Variants in CARD8 observed in about 807,000 individuals in gnomAD.
CARD8 encodes the protein caspase recruitment domain family member 8.
CARD8 carries 38 observed loss-of-function variants against 53.2 expected under a neutral mutation model. The ratio of observed to expected loss-of-function variants is 0.71; its 90% CI spans 0.55 to 0.94. The LOEUF is 0.94. Among genes scored for constraint, CARD8 ranks in the 40% least tolerant of loss-of-function variants. The pLI, the probability that CARD8 is intolerant of heterozygous loss-of-function variation, is 0.00. For synonymous variants in CARD8, 245 were observed against 244.9 expected, an observed-to-expected ratio of 1.00 and a Z score of 0.00; for missense variants, 561 against 655.5, an observed-to-expected ratio of 0.86 and a Z score of 1.57.
At chr19:48,220,954 A>AAGGAAGGAAGGAGGGAAGGAAGG (rs10638078) in intron 11 of CARD8, among the ~76,000 whole-genome samples, 1 of 101,270 alleles carries the variant, frequency 9.9e-6, no homozygotes, top group Non-Finnish European at 2.0e-5. Context: ...AAAGGAAAGG[A>AAGGAAGGAAGGAGGGAAGGAAGG]AAGGAAGGAA....
chr19:48,238,845 G>A (rs962316531), intron 4 of CARD8, among the ~76,000 whole-genome samples: 2 of 152,132 alleles, frequency 1.3e-5, no homozygotes, highest in African/African-American at 4.8e-5. Flanking sequence ...CACCTTCTTC[G>A]ATGCCCATGC....
chr19:48,220,706 G>A (rs28544113), intron 11 of CARD8, among the ~76,000 whole-genome samples: 3,827 of 152,078 alleles, frequency 0.025, 149 homozygotes, highest in African/African-American at 0.087. Context: ...GAGGTCAGGA[G>A]TTCGAGACCA....
intron 13 of CARD8, chr19:48,212,864 A>G (rs1204775769): frequency 1.3e-5 from 2 of 152,238 alleles, no homozygotes; most frequent in Non-Finnish European, 2.9e-5. Flanking sequence ...GATGTGAGGC[A>G]TGATTTCTTT....
chr19:48,234,418 C>A lies in CARD8; in HGVS notation c.335G>T (p.Gly112Val). 4 of 1,612,522 alleles carry A rather than the reference C, an allele frequency of 2.5e-6. No homozygotes were observed. The highest frequency in any genetic ancestry group is 3.4e-6 in the Non-Finnish European group (4 of 1,179,446). ...FRAVPECQLSGGDIPSVSEEQ... is the reference protein window; with the variant it reads ...FRAVPECQLSVGDIPSVSEEQ... ...CTTTTCTTACCTGGGAATGTCCCCC[C>A]CAGATAGTTGACACTCAGGAACAGC... Residue 112 changes from glycine to valine, a missense_variant, in exon 6 of 14, where the codon GGG (glycine) becomes GTG (valine). By Grantham distance (109) the Gly-to-Val change is moderately radical. Coordinates refer to ENST00000651546, the MANE Select transcript of CARD8 (RefSeq NM_001184900.3).
intron 1 of CARD8, among the ~76,000 whole-genome samples, chr19:48,251,215 T>C (rs914761092): frequency 1.3e-5 from 2 of 152,230 alleles, no homozygotes; most frequent in Admixed American, 6.5e-5. Flanking sequence ...GCAGAAGGAA[T>C]TGATCATAAA....
intron 10 of CARD8, among the ~76,000 whole-genome samples, chr19:48,230,113 TAAAAAAAG>T (rs1346589163): frequency 6.6e-6 from 1 of 151,888 alleles, no homozygotes; most frequent in Non-Finnish European, 1.5e-5. Context: ...ACTCTGTCTC[TAAAAAAAG>T]AAAAAAACAA....
intron 10 of CARD8, among the ~76,000 whole-genome samples, chr19:48,224,849 G>A (rs905531099): frequency 1.3e-5 from 2 of 150,692 alleles, no homozygotes; most frequent in Non-Finnish European, 2.9e-5. Flanking sequence ...CCACCTCCCA[G>A]GTTCAGCCAT....
At chr19:48,220,998 GAAA>G (rs2040479803) in intron 11 of CARD8, among the ~76,000 whole-genome samples, 3 of 97,704 alleles carry the variant, frequency 3.1e-5, no homozygotes, top group Non-Finnish European at 4.1e-5. Context: ...AGGAAGGAAA[GAAA>G]GAAAGAAAAA....
chr19:48,231,194 T>C (rs909408985), intron 8 of CARD8, among the ~76,000 whole-genome samples, 188 bp from the exon 9 acceptor site: 7 of 152,226 alleles, frequency 4.6e-5, no homozygotes, highest in African/African-American at 1.7e-4. Context: ...ATTCTATATA[T>C]GTTGAAATTA....
intron 1 of CARD8, among the ~76,000 whole-genome samples, chr19:48,252,431 T>A (rs2047037303): frequency 6.6e-6 from 1 of 151,632 alleles, no homozygotes; most frequent in African/African-American, 2.4e-5. Flanking sequence ...TATATGCATA[T>A]TTAAATAAAA....
At chr19:48,231,081 G>C in intron 8 of CARD8, 75 bp from the exon 9 acceptor site, 1 of 1,265,252 alleles carries the variant, frequency 7.9e-7, no homozygotes, top group Non-Finnish European at 1.1e-6. Context: ...GCAGAGGGAG[G>C]TGGGATTTGA....
In CARD8 at chr19:48,231,665, T is replaced by A. The variant is rs1385704419; in HGVS notation, c.537A>T (p.Arg179Ser). ...TCAGCATCTTCCATTCTTACCTGTA[T>A]CTGTTTGTGCTCTTATCAATCAACT... ...DVELIDKSTN[R>S]YSVWFPTAGW... Residue 179 changes from arginine (R) to serine (S), a missense_variant, in exon 8 of 14, where the codon AGA (arginine) becomes AGT (serine). Transcript: ENST00000651546. 1 of 1,596,766 alleles carries A rather than the reference T, an allele frequency of 6.3e-7. No homozygotes were observed. The highest frequency in any genetic ancestry group is 1.7e-5 in the Admixed American group (1 of 57,540).
intron 10 of CARD8, among the ~76,000 whole-genome samples, chr19:48,228,861 G>A (rs748827322): frequency 9.9e-5 from 15 of 152,262 alleles, no homozygotes; most frequent in East Asian, 3.9e-4. Flanking sequence ...GGAGGCGGCC[G>A]GGCGCGGTGG....
chr19:48,243,902 T>C (rs1193298633), intron 3 of CARD8, among the ~76,000 whole-genome samples: 1 of 152,266 alleles, frequency 6.6e-6, no homozygotes, highest in East Asian at 1.9e-4. Context: ...AAGGTGTACA[T>C]TATCTTGGCT....
intron 4 of CARD8, among the ~76,000 whole-genome samples, chr19:48,240,559 A>G (rs1436874700): frequency 6.6e-6 from 1 of 152,104 alleles, no homozygotes; most frequent in African/African-American, 2.4e-5. Context: ...ACCTGAGGTC[A>G]GGAGGTCCAG....
rs192559594 is a variant in CARD8, at chr19:48,245,278, C to A, written c.-43-4215G>T. On this transcript the variant is annotated intron_variant, in intron 3 of 13. Transcript: ENST00000651546. ...AGGCTGTAGAGAAGTGGCACAATCTCGGCTCACTGCAACCTCTGCATCCTG... is the reference window on the plus strand; with the variant it reads ...AGGCTGTAGAGAAGTGGCACAATCTAGGCTCACTGCAACCTCTGCATCCTG... Among the ~76,000 whole-genome samples, 133 of 152,224 alleles carry A rather than the reference C, an allele frequency of 8.7e-4. 1 individual carries two copies. The highest frequency in any genetic ancestry group is 8.2e-4 in the Non-Finnish European group (56 of 68,004).
intron 11 of CARD8, 45 bp downstream of exon 11, chr19:48,221,685 T>G (rs1342035211): frequency 7.0e-7 from 1 of 1,427,476 alleles, no homozygotes; most frequent in Non-Finnish European, 9.4e-7. Flanking sequence ...TTCAGAAATA[T>G]AAAACACTCT....
intron 4 of CARD8, among the ~76,000 whole-genome samples, chr19:48,240,332 A>G (rs897367792): frequency 3.9e-5 from 6 of 152,224 alleles, no homozygotes; most frequent in Non-Finnish European, 7.3e-5. Context: ...GGTCAAGGCC[A>G]TAGGCCCATG....
rs2037815905 is a variant in CARD8 at position 48,210,590 on chromosome 19, A to G, written c.*1120T>C. 1 of 152,210 alleles carries G rather than the reference A, an allele frequency of 6.6e-6. No homozygotes were observed. The highest frequency in any genetic ancestry group is 2.4e-5 in the African/African-American group (1 of 41,464). 9.4% of individuals were successfully genotyped at this position (152,210 alleles called of 1,614,324 possible). A position where few individuals can be genotyped will look rare whatever the true frequency, so the allele number is the denominator to read the frequency against. On this transcript the variant is annotated 3_prime_UTR_variant, in exon 14 of 14. Coordinates refer to ENST00000651546, the MANE Select transcript of CARD8 (RefSeq NM_001184900.3). ...AAAAGGTAATAGGATCTAAATGGTG[A>G]TAAAGTGCCTAGATTCCACTTTAAG... is the stretch of plus-strand genomic sequence containing the variant.
Sources: allele counts gnomAD v4.1 joint callset (sites outside exome capture counted in the v4.1 genomes callset), GRCh38; gene constraint gnomAD v4.1.1; transcripts MANE v1.5; gene names NCBI Gene and HGNC (gene_info 2026-07-23, HGNC 2026-07-21).